PDE4C: variants seen among roughly 807,000 people sequenced by gnomAD.
PDE4C encodes the protein 3',5'-cyclic-AMP phosphodiesterase 4C.
A neutral mutation model predicts 63.9 loss-of-function variants in PDE4C; 50 were observed. The ratio of observed to expected loss-of-function variants is 0.78; its 90% CI spans 0.62 to 0.99. The LOEUF is 0.99. PDE4C is among the 50% of genes least tolerant of loss of function. The probability of loss-of-function intolerance (pLI) is 0.00; values close to 1 mark genes in which losing one functional copy is unlikely to be tolerated. For synonymous variants in PDE4C, 377 were observed against 385.1 expected, an observed-to-expected ratio of 0.98 and a Z score of 0.25; for missense variants, 777 against 899.1, an observed-to-expected ratio of 0.86 and a Z score of 1.74.
At chr19:18,244,268 A>G (rs1005887909) in intron 1 of PDE4C, among the ~76,000 whole-genome samples, 6 of 149,090 alleles carry the variant, frequency 4.0e-5, no homozygotes, top group Admixed American at 6.7e-5. Context: ...TTCGTAGGAG[A>G]CCCTGAGCTA....
chr19:18,235,388 CTCG>C (rs1968933599), upstream of PDE4C, among the ~76,000 whole-genome samples: 2 of 152,198 alleles, frequency 1.3e-5, no homozygotes, highest in African/African-American at 4.8e-5. Flanking sequence ...CCAGGCTGGA[CTCG>C]ATCTCCTGAC....
chr19:18,233,513 G>A (rs769492127), exon 1 of PDE4C: 31 of 609,554 alleles, frequency 5.1e-5, no homozygotes, highest in African/African-American at 4.5e-4. Flanking sequence ...CCCCTATAGC[G>A]CTGCATGGAA....
At chr19:18,221,377 G>GCATATGGTGT in intron 2 of PDE4C, 80 bp from the exon 3 acceptor site, 1 of 1,419,144 alleles carries the variant, frequency 7.0e-7, no homozygotes, top group Non-Finnish European at 9.5e-7. Flanking sequence ...TCAACTGAGG[G>GCATATGGTGT]GGTCCTGCTC....
Position 18,221,049 on chromosome 19 carries a change from T to TCCGCCATGCCCCGCCCCACC in PDE4C, c.449+55_449+56insGGTGGGGCGGGGCATGGCGG. 2 of 1,239,970 alleles carry TCCGCCATGCCCCGCCCCACC rather than the reference T, an allele frequency of 1.6e-6. 1 individual carries two copies. The highest frequency in any genetic ancestry group is 2.3e-6 in the Non-Finnish European group (2 of 874,830). The allele number at this position is 1,239,970 out of a possible 1,614,324, so 76.8% of individuals were successfully genotyped here. The stretch of plus-strand genomic sequence containing the variant: ...CCCAGCCTCAATTTGCAGCCCGCTT[T>TCCGCCATGCCCCGCCCCACC]CCGCCCACCTTGTCTCTGCCGGCCC... On this transcript the variant is annotated intron_variant, in intron 4 of 14. Coordinates refer to ENST00000262805, the Ensembl canonical transcript of PDE4C.
chr19:18,220,466 C>T lies in PDE4C; in HGVS notation c.549G>A (p.Trp183Ter). Residue 183 changes from tryptophan (W) to a stop codon, truncating the protein, a stop_gained, in exon 6 of 15, where the codon TGG (tryptophan) becomes TGA (stop). Transcript: ENST00000262805. LOFTEE classifies it high-confidence loss of function. This position sits in a 1 kb window ranked among gnomAD's most constrained non-coding sequence, Gnocchi z 5.1. ...GCAGCGTCTCCAACTGATCCAGGCA[C>T]CAGTCCAGCTCGTCTAGCGTCTCCA... 1.2e-6 allele frequency: 2 copies of T among 1,614,212 alleles called. No individual in the cohort carries two copies. Among genetic ancestry groups the T allele is most frequent in the Non-Finnish European group, 1.7e-6 (2 of 1,180,030 alleles).
At chr19:18,247,396 A>G (rs1183309064) in intron 1 of PDE4C, among the ~76,000 whole-genome samples, 1 of 152,144 alleles carries the variant, frequency 6.6e-6, no homozygotes, top group Non-Finnish European at 1.5e-5. Flanking sequence ...CCCAGGTTCA[A>G]GCAATTCTCC....
chr19:18,214,708 G>A (rs1968112945), intron 12 of PDE4C, among the ~76,000 whole-genome samples: 1 of 152,022 alleles, frequency 6.6e-6, no homozygotes, highest in Non-Finnish European at 1.5e-5. Flanking sequence ...CAACACTTTG[G>A]GAGGCAGAGG....
intron 1 of PDE4C, chr19:18,225,451 A>T (rs1441599782): frequency 6.6e-6 from 1 of 152,302 alleles, no homozygotes; most frequent in Non-Finnish European, 1.5e-5. Context: ...AACCACGGTC[A>T]TACCTTCTCC....
intron 1 of PDE4C, among the ~76,000 whole-genome samples, chr19:18,241,255 GTTTTTTTTTTTTTTTTTTTTTTTT>G (rs200717537): frequency 3.8e-5 from 3 of 78,494 alleles, no homozygotes; most frequent in African/African-American, 1.5e-4. Context: ...TTCTTCTCTT[GTTTTTTTTTTTTTTTTTTTTTTTT>G]TTTTTGAGAT....
chr19:18,218,229 TC>T lies in PDE4C; in HGVS notation c.1153del (p.Glu385LysfsTer24), dbSNP rs755731063. 5 of 1,614,200 alleles carry T rather than the reference TC, an allele frequency of 3.1e-6. No individual in the cohort carries two copies. Among genetic ancestry groups the T allele is most frequent in the Non-Finnish European group, 4.2e-6 (5 of 1,180,026 alleles). On this transcript the variant is annotated frameshift_variant, in exon 11 of 15. Transcript: ENST00000262805. LOFTEE classifies it high-confidence loss of function. ...GCTTGCAAAGAGGGCAGCCAGGATT[TC>T]CAAGTCTGTGAACACAGCCTGAGCA...
chr19:18,222,253 G>C, exon 2 of PDE4C: 1 of 1,614,036 alleles, frequency 6.2e-7, no homozygotes, highest in Non-Finnish European at 8.5e-7. Flanking sequence ...TGCATAATCC[G>C]GCCCAGGCCA....
chr19:18,235,465 C>A (rs529213198), upstream of PDE4C, among the ~76,000 whole-genome samples: 4 of 152,304 alleles, frequency 2.6e-5, no homozygotes, highest in African/African-American at 9.6e-5. Context: ...GCCACCATGC[C>A]CAGCCCTGGT....
rs1968414605 is a variant in PDE4C, at chr19:18,220,558, C to T, written c.500-43G>A. 7 of 1,533,266 alleles carry T rather than the reference C, an allele frequency of 4.6e-6. No homozygotes were observed. Among genetic ancestry groups the T allele is most frequent in the Non-Finnish European group, 6.3e-6 (7 of 1,113,184 alleles). 95.0% of individuals were successfully genotyped at this position (1,533,266 alleles called of 1,614,324 possible). On this transcript the variant is annotated intron_variant, in intron 5 of 14. Transcript: ENST00000262805. This position sits in a 1 kb window ranked among gnomAD's most constrained non-coding sequence, Gnocchi z 5.1. ...CAGGGGCCTGCCCAACCCCCCCGCT[C>T]AGGGACCCCACGCCTCTCGCGACTT...
At chr19:18,219,813 ACT>A (rs1001938728) in intron 7 of PDE4C, among the ~76,000 whole-genome samples, 2 of 150,246 alleles carry the variant, frequency 1.3e-5, no homozygotes, top group African/African-American at 2.5e-5. Context: ...ACAAAGTGAA[ACT>A]CTGTATCAAA....
At chr19:18,218,063 G>A in intron 11 of PDE4C, 86 bp downstream of exon 11, 1 of 1,008,110 alleles carries the variant, frequency 9.9e-7, no homozygotes, top group Admixed American at 1.9e-5. Context: ...GCTCAGGGCA[G>A]ATGGGAACCC....
exon 2 of PDE4C, chr19:18,222,252 C>T (rs146818532): frequency 2.0e-4 from 317 of 1,614,044 alleles, no homozygotes; most frequent in Middle Eastern, 1.8e-3. Context: ...CTGCATAATC[C>T]GGCCCAGGCC....
chr19:18,213,426 G>A (rs1339369998), exon 13 of PDE4C: 1 of 1,613,856 alleles, frequency 6.2e-7, no homozygotes, highest in Non-Finnish European at 8.5e-7. Context: ...CACCTTCTTG[G>A]TCTCCACCAT....
At chr19:18,254,677 C>T in the PDE4C span, among the ~76,000 whole-genome samples, 6 of 152,254 alleles carry the variant, frequency 3.9e-5, no homozygotes, top group South Asian at 4.1e-4. Context: ...GGTAGGACAC[C>T]GGTCAGAGAG....
At chr19:18,226,978 C>T (rs74810705), upstream of PDE4C, among the ~76,000 whole-genome samples, 1 of 152,104 alleles carries the variant, frequency 6.6e-6, no homozygotes, top group African/African-American at 2.4e-5. Context: ...CTCGGCACGT[C>T]CCTGGTTAGT....
Sources: gnomAD v4.1 joint callset for allele counts (sites outside exome capture counted in the v4.1 genomes callset) on GRCh38, gnomAD v4.1.1 for gene constraint, Gnocchi (gnomAD v3.1) non-coding constraint, MANE v1.5 for transcripts, NCBI Gene and HGNC (gene_info 2026-07-23, HGNC 2026-07-21) for gene names.